The following HACL2 variants were observed in gnomAD, a reference collection of about 807,000 sequenced individuals.
HACL2 encodes 2-hydroxyacyl-CoA lyase 2.
At chr19:15,123,817 G>GT in the HACL2 span, 4 of 568,808 alleles carry the variant, frequency 7.0e-6, no homozygotes, top group African/African-American at 3.7e-5. The surrounding 1 kb of genome is among the most constrained non-coding windows in gnomAD (Gnocchi z 5.1). Context: ...GCTTGCCCAA[G>GT]TAAGACTGAA....
At chr19:15,115,882 G>C in the HACL2 span, 1 of 1,614,174 alleles carries the variant, frequency 6.2e-7, no homozygotes, top group Middle Eastern at 1.6e-4. Context: ...AATTCGATGA[G>C]GCTGTAGCCA....
chr19:15,115,901 G>A, the HACL2 span: 54 of 1,613,996 alleles, frequency 3.3e-5, no homozygotes, highest in Admixed American at 6.7e-5. Flanking sequence ...CAAAAGCTCC[G>A]TCCCCAAACA....
At chr19:15,123,884 A>G in the HACL2 span, 1 of 427,582 alleles carries the variant, frequency 2.3e-6, no homozygotes, top group Non-Finnish European at 4.2e-6. The surrounding 1 kb of genome is among the most constrained non-coding windows in gnomAD (Gnocchi z 5.1). Flanking sequence ...TGTCTCCAGG[A>G]TGGCAGGGCA....
chr19:15,123,384 G>A, the HACL2 span: 48 of 1,613,558 alleles, frequency 3.0e-5, no homozygotes, highest in Admixed American at 6.7e-5. This position sits in a 1 kb window ranked among gnomAD's most constrained non-coding sequence, Gnocchi z 5.1. Context: ...CCGGACAGGC[G>A]GGCCATAGCA....
chr19:15,116,414 G>A, the HACL2 span: 1 of 1,613,962 alleles, frequency 6.2e-7, no homozygotes, highest in East Asian at 2.2e-5. Context: ...CCACCGAAAG[G>A]TCTGCTCCTT....
At chr19:15,117,893 C>T in the HACL2 span, 291 of 1,614,026 alleles carry the variant, frequency 1.8e-4, no homozygotes, top group Admixed American at 5.8e-4. Flanking sequence ...TGCACAGCCT[C>T]CTGGGGCTTC....
chr19:15,115,089 A>G, the HACL2 span: 5 of 784,062 alleles, frequency 6.4e-6, no homozygotes, highest in East Asian at 5.3e-5. Flanking sequence ...AGAGCTCACA[A>G]GAGAGCCTCT....
chr19:15,117,836 G>A, the HACL2 span: 11 of 1,609,174 alleles, frequency 6.8e-6, no homozygotes, highest in South Asian at 8.8e-5. Context: ...GGAGGAGAGG[G>A]ACTGGGAGGA....
the HACL2 span, chr19:15,123,241 T>C: frequency 6.2e-7 from 1 of 1,613,638 alleles, no homozygotes; most frequent in Non-Finnish European, 8.5e-7. The surrounding 1 kb of genome is among the most constrained non-coding windows in gnomAD (Gnocchi z 5.1). Flanking sequence ...ACGCCCACCG[T>C]CCCTGGAACA....
the HACL2 span, chr19:15,115,935 G>A: frequency 2.5e-6 from 4 of 1,614,138 alleles, no homozygotes; most frequent in Non-Finnish European, 3.4e-6. Flanking sequence ...GTCGGGAGGG[G>A]ACCCAGGATG....
chr19:15,115,486 G>C, the HACL2 span: 9 of 1,601,982 alleles, frequency 5.6e-6, no homozygotes, highest in Middle Eastern at 1.6e-4. Context: ...CGCACATGCA[G>C]CCAGCCCAGG....
chr19:15,115,694 G>C, the HACL2 span: 18 of 1,605,226 alleles, frequency 1.1e-5, no homozygotes, highest in Non-Finnish European at 1.4e-5. Flanking sequence ...GATGAAGGCA[G>C]GCCGCAGCCT....
At chr19:15,119,272 G>A in the HACL2 span, 1 of 1,609,188 alleles carries the variant, frequency 6.2e-7, no homozygotes, top group Non-Finnish European at 8.5e-7. Context: ...CTCCAAGGAA[G>A]CAGGGAACAC....
chr19:15,122,632 C>T, the HACL2 span: 2 of 1,403,338 alleles, frequency 1.4e-6, no homozygotes, highest in Admixed American at 3.4e-5. This position sits in a 1 kb window ranked among gnomAD's most constrained non-coding sequence, Gnocchi z 4.0. Context: ...TGGGTGTGGG[C>T]TGGAAGCTGC....
At chr19:15,121,041 C>T in the HACL2 span, among the ~76,000 whole-genome samples, 2 of 152,044 alleles carry the variant, frequency 1.3e-5, no homozygotes, top group South Asian at 4.2e-4. Context: ...AGCCAGGGGG[C>T]AAAGTGCATT....
At chr19:15,116,225 C>T in the HACL2 span, 1 of 1,613,930 alleles carries the variant, frequency 6.2e-7, no homozygotes, top group African/African-American at 1.3e-5. Context: ...CCCCGCCATC[C>T]ACCACCAGAA....
At chr19:15,119,842 C>T in the HACL2 span, 3 of 630,086 alleles carry the variant, frequency 4.8e-6, no homozygotes, top group Non-Finnish European at 8.3e-6. Flanking sequence ...TGAGCCACCG[C>T]GTCCAGCCAA....
chr19:15,121,747 G>A, the HACL2 span, among the ~76,000 whole-genome samples: 2 of 150,886 alleles, frequency 1.3e-5, no homozygotes, highest in Non-Finnish European at 2.9e-5. Context: ...GGGAGGCGGA[G>A]GTTGCAGTGA....
At chr19:15,122,602 A>C in the HACL2 span, 2 of 1,074,094 alleles carry the variant, frequency 1.9e-6, no homozygotes, top group Non-Finnish European at 2.8e-6. This position sits in a 1 kb window ranked among gnomAD's most constrained non-coding sequence, Gnocchi z 4.0. Flanking sequence ...CTCCCAGTCC[A>C]CATGTGAATC....
Sources: allele counts gnomAD v4.1 joint callset (sites outside exome capture counted in the v4.1 genomes callset), GRCh38; gene constraint gnomAD v4.1.1; non-coding constraint Gnocchi (gnomAD v3.1); transcripts MANE v1.5; gene names NCBI Gene and HGNC (gene_info 2026-07-23, HGNC 2026-07-21).